The following SYTL5 variants were observed in gnomAD, a reference collection of about 807,000 sequenced individuals.
SYTL5 encodes the protein synaptotagmin like 5, also known as synaptotagmin-like protein 5.
In SYTL5, 34 loss-of-function variants were observed where a neutral mutation model predicts 55.9. That is an observed-to-expected ratio of 0.61 (90% CI 0.46 to 0.81). SYTL5 has a LOEUF of 0.81. Among genes scored for constraint, SYTL5 ranks in the 30% least tolerant of loss-of-function variants. The pLI, the probability that SYTL5 is intolerant of heterozygous loss-of-function variation, is 0.00. For synonymous variants in SYTL5, 221 were observed against 188.7 expected, an observed-to-expected ratio of 1.17 and a Z score of -1.40; for missense variants, 637 against 546.7, an observed-to-expected ratio of 1.17 and a Z score of -1.65.
At chrX:38,111,137 G>C (rs757518071) in intron 13 of SYTL5, among the ~76,000 whole-genome samples, 3 of 111,873 alleles carry the variant, frequency 2.7e-5, no homozygotes, top group Admixed American at 9.5e-5. Flanking sequence ...GGTGAGTAAA[G>C]GTCACATTTA....
chrX:37,932,900 C>T, the SYTL5 span, among the ~76,000 whole-genome samples: 2 of 110,868 alleles, frequency 1.8e-5, no homozygotes, highest in African/African-American at 3.3e-5. Context: ...AGAGCCTCTA[C>T]GTGTAGCTTG....
At chrX:37,916,950 T>A in the SYTL5 span, among the ~76,000 whole-genome samples, 1 of 111,642 alleles carries the variant, frequency 9.0e-6, no homozygotes, top group Non-Finnish European at 1.9e-5. Flanking sequence ...TCCTTTTGGC[T>A]GTAACATTTT....
chrX:38,019,019 G>C (rs770048369), intron 1 of SYTL5, among the ~76,000 whole-genome samples: 62 of 112,096 alleles, frequency 5.5e-4, no homozygotes, highest in African/African-American at 1.8e-3. Flanking sequence ...TGATTGCGCT[G>C]TTCCTTGGCT....
the SYTL5 span, among the ~76,000 whole-genome samples, chrX:37,919,065 C>A: frequency 9.1e-6 from 1 of 110,323 alleles, no homozygotes; most frequent in African/African-American, 3.3e-5. Flanking sequence ...GAGGCATAGA[C>A]AAAAGAACTC....
At chrX:37,982,707 G>A in the SYTL5 span, among the ~76,000 whole-genome samples, 2 of 111,790 alleles carry the variant, frequency 1.8e-5, no homozygotes, top group Middle Eastern at 4.7e-3. Context: ...GGTTAAGGAA[G>A]TGACTCCAGA....
the SYTL5 span, among the ~76,000 whole-genome samples, chrX:37,969,392 A>C: frequency 1.9e-4 from 21 of 111,621 alleles, no homozygotes; most frequent in African/African-American, 6.8e-4. Flanking sequence ...TTACCAATCT[A>C]ATAAGCACTT....
chrX:37,933,566 A>G, the SYTL5 span, among the ~76,000 whole-genome samples: 61 of 112,163 alleles, frequency 5.4e-4, no homozygotes, highest in African/African-American at 1.9e-3. Context: ...TCAGTATGTA[A>G]AGCTTTTTCT....
At chrX:38,035,539 C>T (rs1463520851) in intron 2 of SYTL5, among the ~76,000 whole-genome samples, 11 of 104,278 alleles carry the variant, frequency 1.1e-4, no homozygotes, top group Admixed American at 1.0e-3. Context: ...TGCAGTGAGC[C>T]GAGATTGCGC....
At chrX:38,109,001 A>G (rs1051039500) in intron 12 of SYTL5, among the ~76,000 whole-genome samples, 5 of 112,228 alleles carry the variant, frequency 4.5e-5, no homozygotes, top group African/African-American at 1.6e-4. Context: ...CTTTGGGCAA[A>G]CAGTGCTTTT....
the SYTL5 span, among the ~76,000 whole-genome samples, chrX:37,988,793 G>T: frequency 8.9e-6 from 1 of 112,099 alleles, no homozygotes; most frequent in Non-Finnish European, 1.9e-5. Context: ...GGGAGTTTGT[G>T]TTATATAGCA....
chrX:38,101,716 G>T (rs1937090981), intron 9 of SYTL5, among the ~76,000 whole-genome samples: 1 of 108,804 alleles, frequency 9.2e-6, no homozygotes, highest in Non-Finnish European at 1.9e-5. Context: ...CAAAAATATT[G>T]AAATTTGATC....
At chrX:37,953,550 T>C in the SYTL5 span, among the ~76,000 whole-genome samples, 1,992 of 111,410 alleles carry the variant, frequency 0.018, 44 homozygotes, top group African/African-American at 0.06. Context: ...GTTTTTAAGC[T>C]GAGTGACTCT....
intron 12 of SYTL5, among the ~76,000 whole-genome samples, 155 bp from the exon 13 acceptor site, chrX:38,110,166 C>A (rs191745712): frequency 9.0e-6 from 1 of 111,591 alleles, no homozygotes; most frequent in Non-Finnish European, 1.9e-5. Flanking sequence ...TCAATTGTAG[C>A]AGAAACAAAG....
At chrX:38,113,317 A>C (rs1471351176) in intron 13 of SYTL5, among the ~76,000 whole-genome samples, 1 of 112,479 alleles carries the variant, frequency 8.9e-6, no homozygotes, top group South Asian at 3.7e-4. Flanking sequence ...ATCAACAGCA[A>C]GCTTACGTGG....
the SYTL5 span, among the ~76,000 whole-genome samples, chrX:37,918,686 C>T: frequency 9.0e-6 from 1 of 111,404 alleles, no homozygotes; most frequent in South Asian, 3.8e-4. Flanking sequence ...AGTAATCACA[C>T]TGCAGGATGT....
At chrX:38,007,786 T>A (rs956652189) in intron 1 of SYTL5, among the ~76,000 whole-genome samples, 4 of 111,594 alleles carry the variant, frequency 3.6e-5, no homozygotes, top group African/African-American at 9.7e-5. Context: ...AGTATATATA[T>A]GTACATACCC....
chrX:38,048,728 CAAA>C (rs1196978818), intron 2 of SYTL5, among the ~76,000 whole-genome samples: 20 of 110,428 alleles, frequency 1.8e-4, no homozygotes, highest in African/African-American at 5.9e-4. Context: ...AAAGACCCAC[CAAA>C]TGATTATCTC....
rs1440343782 is a variant in SYTL5 at position 38,102,359 on chromosome X, T to C, written c.1080T>C (p.Thr360=). The change falls in exon 10 of 17, where the codon ACT becomes ACC. Residue 360 remains threonine, a synonymous_variant. Coordinates refer to ENST00000297875, the MANE Select transcript of SYTL5 (RefSeq NM_138780.3). ...TTTTTTAGGACTCCTTGGAAGAGAC[T>C]GAAGAAAGCATTGATGCCTTAGTGT... The part of the protein sequence containing the change: ...GALDKDSLEE[T]EESIDALVSS... The C allele has an allele frequency of 8.3e-7, 1 of 1,204,535 alleles. No individual in the cohort carries two copies. The highest frequency in any genetic ancestry group is 1.8e-5 in the African/African-American group (1 of 57,035).
rs982158234 is a variant in SYTL5 at position 38,007,658 on chromosome X, T to C, written c.-357+990T>C. The stretch of plus-strand genomic sequence containing the variant: ...TTCATTTTGTAATAAGTTGTTTATA[T>C]GTTATTTGGACAACAGCTTACACAC... On this transcript the variant is annotated intron_variant, in intron 1 of 16. Coordinates refer to ENST00000297875, the MANE Select transcript of SYTL5 (RefSeq NM_138780.3). Among the ~76,000 whole-genome samples, 16 of 111,734 alleles carry C rather than the reference T, an allele frequency of 1.4e-4. No homozygotes were observed. In the Admixed American group the frequency reaches 1.5e-3, roughly 11 times the overall value.
Sources: allele counts gnomAD v4.1 joint callset (sites outside exome capture counted in the v4.1 genomes callset), GRCh38; gene constraint gnomAD v4.1.1; transcripts MANE v1.5; gene names NCBI Gene and HGNC (gene_info 2026-07-23, HGNC 2026-07-21).